Variants in DOCK3 observed in about 807,000 individuals in gnomAD.
DOCK3 encodes dedicator of cytokinesis 3.
A neutral mutation model predicts 265.6 loss-of-function variants in DOCK3; 60 were observed. That is an observed-to-expected ratio of 0.23 (90% CI 0.18 to 0.28). DOCK3 has a LOEUF of 0.28. Among genes scored for constraint, DOCK3 ranks in the 10% least tolerant of loss-of-function variants. DOCK3 has a pLI of 1.00. For synonymous variants in DOCK3, 881 were observed against 938.0 expected (o/e 0.94, Z 1.11); for missense variants, 1,981 against 2,594.3 (o/e 0.76, Z 5.14).
At chr3:51,305,733 C>CGT (rs202005379) in intron 27 of DOCK3, among the ~76,000 whole-genome samples, 1,474 of 135,564 alleles carry the variant, frequency 0.011, 9 homozygotes, top group African/African-American at 0.017. Flanking sequence ...TGTGTGTGTG[C>CGT]GCGTGTGTGT....
At chr3:50,723,397 G>A (rs375231177) in intron 1 of DOCK3, among the ~76,000 whole-genome samples, 6 of 152,312 alleles carry the variant, frequency 3.9e-5, no homozygotes, top group African/African-American at 1.4e-4. Context: ...CTGGGTGGGT[G>A]TGGTGGCTCA....
At chr3:51,378,916 G>T (rs1553617427) in intron 51 of DOCK3, among the ~76,000 whole-genome samples, 1 of 152,184 alleles carries the variant, frequency 6.6e-6, no homozygotes, top group Admixed American at 6.5e-5. Context: ...ACGCCAAAGG[G>T]TACTCATCGG....
At chr3:50,757,163 CTTTTTTT>C (rs34435343) in intron 1 of DOCK3, among the ~76,000 whole-genome samples, 3 of 81,628 alleles carry the variant, frequency 3.7e-5, no homozygotes, top group Admixed American at 2.0e-4. Context: ...AGATTGTCGT[CTTTTTTT>C]TTTTTTTTTT....
At chr3:51,246,685 T>C (rs1329120935) in intron 21 of DOCK3, 41 bp from the exon 22 acceptor site, 4 of 1,581,694 alleles carry the variant, frequency 2.5e-6, no homozygotes, top group Non-Finnish European at 3.5e-6. Context: ...TGCATTACTT[T>C]TGAATTAAAG....
chr3:50,748,746 C>T (rs1365722331), intron 1 of DOCK3, among the ~76,000 whole-genome samples: 1 of 152,144 alleles, frequency 6.6e-6, no homozygotes, highest in Non-Finnish European at 1.5e-5. Flanking sequence ...TTGTAGTATA[C>T]TGTGGTACCA....
intron 2 of DOCK3, among the ~76,000 whole-genome samples, chr3:50,809,774 AAAG>A (rs1426521257): frequency 1.3e-5 from 2 of 152,198 alleles, no homozygotes; most frequent in East Asian, 1.9e-4. Flanking sequence ...ATTATTGAAA[AAAG>A]AAGCCAGATA....
chr3:51,045,047 A>G (rs1042890593), intron 5 of DOCK3, among the ~76,000 whole-genome samples: 16 of 152,018 alleles, frequency 1.1e-4, no homozygotes, highest in Admixed American at 6.6e-4. Context: ...TCCCCCAACA[A>G]ACTTTTCCTT....
At chr3:51,049,146 C>G (rs2080892744) in intron 5 of DOCK3, among the ~76,000 whole-genome samples, 1 of 152,008 alleles carries the variant, frequency 6.6e-6, no homozygotes, top group African/African-American at 2.4e-5. Flanking sequence ...GGCAACATGG[C>G]AAGACCTTGT....
intron 40 of DOCK3, among the ~76,000 whole-genome samples, chr3:51,354,105 C>T (rs1450759687): frequency 6.6e-6 from 1 of 152,076 alleles, no homozygotes; most frequent in Non-Finnish European, 1.5e-5. Flanking sequence ...AATTTGCTGC[C>T]AAAGGGTTAC....
chr3:51,200,027 C>G (rs1169693020), intron 12 of DOCK3, among the ~76,000 whole-genome samples: 2 of 152,052 alleles, frequency 1.3e-5, no homozygotes, highest in Non-Finnish European at 2.9e-5. Context: ...ACCAAAAACC[C>G]ATCTGTACAT....
intron 14 of DOCK3, among the ~76,000 whole-genome samples, chr3:51,215,754 C>T (rs1198093202): frequency 2.0e-5 from 3 of 152,140 alleles, no homozygotes; most frequent in South Asian, 2.1e-4. Context: ...ACACAGCCTT[C>T]GTCTTCTACT....
chr3:50,779,572 T>G (rs1281603350), intron 2 of DOCK3, among the ~76,000 whole-genome samples: 1 of 151,892 alleles, frequency 6.6e-6, no homozygotes, highest in Non-Finnish European at 1.5e-5. Context: ...TTAGTAGAGA[T>G]AGGATTTCAC....
chr3:50,920,382 C>T (rs1053713568), intron 4 of DOCK3, among the ~76,000 whole-genome samples: 1 of 152,032 alleles, frequency 6.6e-6, no homozygotes, highest in African/African-American at 2.4e-5. Flanking sequence ...TGGTCCTGGA[C>T]TTTTTTTGGT....
intron 5 of DOCK3, among the ~76,000 whole-genome samples, chr3:50,992,152 A>G (rs565444570): frequency 2.0e-5 from 3 of 152,368 alleles, no homozygotes; most frequent in East Asian, 3.9e-4. Flanking sequence ...AAAGATCCCA[A>G]ATTAACAACA....
chr3:50,970,937 AT>A (rs1483547297), intron 5 of DOCK3, among the ~76,000 whole-genome samples: 160 of 73,040 alleles, frequency 2.2e-3, no homozygotes, highest in African/African-American at 5.3e-3. Flanking sequence ...ATATATATAT[AT>A]ATATATATAA....
At chr3:51,079,470 G>A (rs1456960853) in intron 7 of DOCK3, among the ~76,000 whole-genome samples, 3 of 151,954 alleles carry the variant, frequency 2.0e-5, no homozygotes, top group Non-Finnish European at 4.4e-5. Context: ...GTAGCTGGGA[G>A]TATAGGTGCA....
intron 21 of DOCK3, among the ~76,000 whole-genome samples, chr3:51,238,393 T>G (rs1349336575): frequency 6.6e-6 from 1 of 151,932 alleles, no homozygotes; most frequent in Admixed American, 6.6e-5. Context: ...CCACCTGCCT[T>G]GGCCTCCCAA....
intron 7 of DOCK3, among the ~76,000 whole-genome samples, chr3:51,078,463 T>A (rs1338200094): frequency 6.6e-6 from 1 of 152,042 alleles, no homozygotes; most frequent in Non-Finnish European, 1.5e-5. Context: ...TGGATATGAG[T>A]CTCCAGATTT....
intron 3 of DOCK3, among the ~76,000 whole-genome samples, chr3:50,848,917 T>C (rs542317808): frequency 2.0e-5 from 3 of 152,338 alleles, no homozygotes; most frequent in Non-Finnish European, 2.9e-5. Flanking sequence ...CCTTCTTTCT[T>C]AGGAATGCCA....
Sources: allele counts gnomAD v4.1 joint callset (sites outside exome capture counted in the v4.1 genomes callset), GRCh38; gene constraint gnomAD v4.1.1; transcripts MANE v1.5; gene names NCBI Gene and HGNC (gene_info 2026-07-23, HGNC 2026-07-21).